Variants in MYH9 observed in about 807,000 individuals in gnomAD.
The protein encoded by MYH9 is myosin heavy chain 9, also known as myosin-9.
In MYH9, 29 loss-of-function variants were observed where a neutral mutation model predicts 241.9. That is an observed-to-expected ratio of 0.12 (90% CI 0.09 to 0.16). The LOEUF is 0.16. MYH9 is among the 10% of genes least tolerant of loss of function. The pLI is 1.00. For missense variants in MYH9, 1,803 were observed against 2,595.5 expected (o/e 0.69, Z 6.63); for synonymous variants, 1,047 against 1,062.6 (o/e 0.99, Z 0.29).
chr22:36,314,321 G>A lies in MYH9; in HGVS notation c.1381-3C>T, dbSNP rs2017115454. On this transcript the variant is annotated splice_polypyrimidine_tract_variant and splice_region_variant and intron_variant, in intron 12 of 40. Coordinates refer to ENST00000216181, the MANE Select transcript of MYH9 (RefSeq NM_002473.6). ...CACAGCTGCTCAAACGAGTTCAGCT[G>A]CAAGGAGAGAAAACAATGTCAGAGA... 4.3e-6 allele frequency: 7 copies of A among 1,614,014 alleles called. No individual in the cohort carries two copies. The highest frequency in any genetic ancestry group is 5.9e-6 in the Non-Finnish European group (7 of 1,180,060).
Position 36,318,276 on chromosome 22 carries a change from G to A in MYH9, c.1158C>T (p.Thr386=), listed in dbSNP as rs138502859. The change falls in exon 11 of 41, where the codon ACC becomes ACT. Residue 386 remains threonine, a synonymous_variant. Coordinates refer to ENST00000216181, the MANE Select transcript of MYH9 (RefSeq NM_002473.6). ...TGATGCGCGGGGTGAGGATTCCTCTGGTGAAATCGGTCACATTGATACCCA... is the reference window on the plus strand; with the variant it reads ...TGATGCGCGGGGTGAGGATTCCTCTAGTGAAATCGGTCACATTGATACCCA... ...HLLGINVTDF[T]RGILTPRIKV... is the part of the protein sequence containing the mutation. The A allele has an allele frequency of 1.1e-3, 1,696 of 1,613,820 alleles. 14 individuals are homozygous for A. In the Middle Eastern group the frequency reaches 0.031, roughly 30 times the overall value.
intron 12 of MYH9, among the ~76,000 whole-genome samples, chr22:36,315,963 A>G (rs2017143529): frequency 6.7e-6 from 1 of 149,100 alleles, no homozygotes; most frequent in African/African-American, 2.5e-5. Flanking sequence ...AGTTAAGCCC[A>G]GGAGGCAAAG....
chr22:36,287,276 T>C (rs964312936), intron 34 of MYH9, among the ~76,000 whole-genome samples: 1 of 152,224 alleles, frequency 6.6e-6, no homozygotes, highest in Non-Finnish European at 1.5e-5. Context: ...TAGCCTTTTT[T>C]TCCTTTTGCA....
intron 3 of MYH9, among the ~76,000 whole-genome samples, chr22:36,334,376 A>G (rs1457324084): frequency 6.6e-6 from 1 of 152,204 alleles, no homozygotes; most frequent in East Asian, 1.9e-4. Flanking sequence ...CATCCCAGGG[A>G]ACAGAAAAGT....
chr22:36,377,725 C>T (rs1046587856), intron 1 of MYH9, among the ~76,000 whole-genome samples: 10 of 151,762 alleles, frequency 6.6e-5, no homozygotes, highest in Non-Finnish European at 1.2e-4. Flanking sequence ...CTGGCTAACA[C>T]GGTGAAACCC....
chr22:36,364,615 T>C (rs2017982551), intron 1 of MYH9, among the ~76,000 whole-genome samples: 1 of 151,976 alleles, frequency 6.6e-6, no homozygotes, highest in Non-Finnish European at 1.5e-5. Context: ...GCCTCACTGA[T>C]AACTATATCT....
rs752678528 is a variant in MYH9 at position 36,306,575 on chromosome 22, C to T, written c.1876G>A (p.Gly626Ser). 9 of 1,613,684 alleles carry T rather than the reference C, an allele frequency of 5.6e-6. No homozygotes were observed. Among genetic ancestry groups the T allele is most frequent in the East Asian group, 4.5e-5 (2 of 44,898 alleles). Residue 626 changes from glycine to serine, a missense_variant, in exon 16 of 41, where the codon GGC (glycine) becomes AGC (serine). Gly to Ser is a moderately conservative substitution (Grantham distance 56). This residue lies in a region of MYH9 where 163 missense variants were observed against 349.7 expected (regional missense o/e 0.47). Coordinates refer to ENST00000216181, the MANE Select transcript of MYH9 (RefSeq NM_002473.6). The surrounding 1 kb of genome is among the most constrained non-coding windows in gnomAD (Gnocchi z 4.1). Reference sequence around the variant, plus strand: ...CCGGGCAGTGCGGTCTCCGACATGCCGGCCACCTGGTCCAGGCCGATGATG... The same window carrying T: ...CCGGGCAGTGCGGTCTCCGACATGCTGGCCACCTGGTCCAGGCCGATGATG... ...DRIIGLDQVA[G>S]MSETALPGAF...
chr22:36,320,219 C>A lies in MYH9; in HGVS notation c.1012+1G>T. 1 of 1,614,210 alleles carries A rather than the reference C, an allele frequency of 6.2e-7. No homozygotes were observed. The highest frequency in any genetic ancestry group is 1.1e-5 in the South Asian group (1 of 91,084). On this transcript the variant is annotated splice_donor_variant, in intron 9 of 40. Coordinates refer to ENST00000216181, the MANE Select transcript of MYH9 (RefSeq NM_002473.6). LOFTEE classifies it high-confidence loss of function. This position sits in a 1 kb window ranked among gnomAD's most constrained non-coding sequence, Gnocchi z 4.8. ...CGACCATAGGAGGGCCAGCCCTGTA[C>A]CCATTTGCTCCTCTTCTGGGATGCC...
intron 23 of MYH9, 149 bp downstream of exon 23, chr22:36,299,978 G>A (rs912604152): frequency 6.2e-6 from 7 of 1,130,842 alleles, no homozygotes; most frequent in Middle Eastern, 2.7e-4. Flanking sequence ...GACCTCCAGG[G>A]AGCACTTGCA....
chr22:36,284,167 C>T lies in MYH9; in HGVS notation c.5691G>A (p.Gln1897=), dbSNP rs781251846. ...TCTCAGTGGCGTCCTCCAGCTCGCGCTGCAGTTTCCGGCGGGAGGCGTTGG... is the reference window on the plus strand; with the variant it reads ...TCTCAGTGGCGTCCTCCAGCTCGCGTTGCAGTTTCCGGCGGGAGGCGTTGG... ...QRANASRRKL[Q]RELEDATETA... The change falls in exon 40 of 41, where the codon CAG becomes CAA. Residue 1897 remains glutamine, a synonymous_variant. Transcript: ENST00000216181. The T allele has an allele frequency of 3.7e-6, 6 of 1,614,156 alleles. 1 individual carries two copies. In the South Asian group the frequency reaches 5.5e-5, roughly 15 times the overall value.
At chr22:36,381,535 T>C (rs1337671445) in intron 1 of MYH9, among the ~76,000 whole-genome samples, 1 of 150,766 alleles carries the variant, frequency 6.6e-6, no homozygotes, top group African/African-American at 2.4e-5. Flanking sequence ...AAAAAAAGTA[T>C]TGAGTGAAAT....
At chr22:36,363,841 C>T (rs1281777185) in intron 1 of MYH9, among the ~76,000 whole-genome samples, 3 of 152,238 alleles carry the variant, frequency 2.0e-5, no homozygotes, top group African/African-American at 7.2e-5. Context: ...GCATGTCCCC[C>T]TGCAGATGGT....
intron 24 of MYH9, 107 bp from the exon 25 acceptor site, chr22:36,297,121 T>C: frequency 7.6e-7 from 1 of 1,317,326 alleles, no homozygotes. Flanking sequence ...TGTGTCAGGC[T>C]TAAAGCATCA....
At position 36,285,674 on chromosome 22, in the gene MYH9, T is replaced by C; in HGVS notation, c.5258A>G (p.Lys1753Arg). ...GNTELINDRLKKANLQIDQIN... is the reference protein window; with the variant it reads ...GNTELINDRLRKANLQIDQIN... ...GGCACCCACCTGCAGGTTGGCCTTCTTCAGCCGGTCGTTGATCAGCTCCGT... is the reference window on the plus strand; with the variant it reads ...GGCACCCACCTGCAGGTTGGCCTTCCTCAGCCGGTCGTTGATCAGCTCCGT... Residue 1753 changes from lysine to arginine, a missense_variant, in exon 37 of 41, where the codon AAG becomes AGG. Physicochemically the swap from Lys to Arg is conservative, Grantham distance 26 (BLOSUM62 2). Coordinates refer to ENST00000216181, the MANE Select transcript of MYH9 (RefSeq NM_002473.6). The surrounding 1 kb of genome is among the most constrained non-coding windows in gnomAD (Gnocchi z 7.0). 1 of 1,612,614 alleles carries C rather than the reference T, an allele frequency of 6.2e-7. No individual in the cohort carries two copies. Among genetic ancestry groups the C allele is most frequent in the South Asian group, 1.1e-5 (1 of 91,018 alleles).
intron 23 of MYH9, among the ~76,000 whole-genome samples, 171 bp from the exon 24 acceptor site, chr22:36,299,213 G>C (rs2016836198): frequency 6.6e-6 from 1 of 152,178 alleles, no homozygotes; most frequent in African/African-American, 2.4e-5. Flanking sequence ...AAGGTCACGA[G>C]CTCCCCTGAA....
intron 3 of MYH9, among the ~76,000 whole-genome samples, chr22:36,332,971 C>A (rs1384968854): frequency 6.6e-6 from 1 of 152,182 alleles, no homozygotes; most frequent in African/African-American, 2.4e-5. Flanking sequence ...CCGGGACACT[C>A]CCAGTCCGGT....
At chr22:36,369,067 T>A (rs368984683) in intron 1 of MYH9, among the ~76,000 whole-genome samples, 4,367 of 152,104 alleles carry the variant, frequency 0.029, 81 homozygotes, top group Middle Eastern at 0.082. Context: ...CACCCAGGCC[T>A]CACAACCAGA....
At chr22:36,361,462 G>A (rs949651842) in intron 1 of MYH9, among the ~76,000 whole-genome samples, 4 of 152,150 alleles carry the variant, frequency 2.6e-5, no homozygotes, top group African/African-American at 4.8e-5. Flanking sequence ...GCCTGGCACC[G>A]AAGGAAACTC....
At chr22:36,353,609 C>A (rs1251442161) in intron 1 of MYH9, among the ~76,000 whole-genome samples, 2 of 152,314 alleles carry the variant, frequency 1.3e-5, no homozygotes, top group East Asian at 3.9e-4. Context: ...CCGCCTTGGA[C>A]TCCCAGAGTG....
Sources: gnomAD v4.1 joint callset for allele counts (sites outside exome capture counted in the v4.1 genomes callset) on GRCh38, gnomAD v4.1.1 for gene constraint, gnomAD v4.1.1 regional missense constraint, Gnocchi (gnomAD v3.1) non-coding constraint, MANE v1.5 for transcripts, NCBI Gene and HGNC (gene_info 2026-07-23, HGNC 2026-07-21) for gene names.